Variants in SAE1 observed in about 807,000 individuals in gnomAD.
SAE1 encodes SUMO1 activating enzyme subunit 1, also known as SUMO-activating enzyme subunit 1.
A neutral mutation model predicts 40.6 loss-of-function variants in SAE1; 11 were observed. The ratio of observed to expected loss-of-function variants is 0.27; its 90% CI spans 0.17 to 0.45. The LOEUF is 0.45. Ranked by LOEUF, SAE1 falls within the 20% of genes least tolerant of loss-of-function variation. The pLI, the probability that SAE1 is intolerant of heterozygous loss-of-function variation, is 1.00. For missense variants in SAE1, 373 were observed against 427.3 expected (o/e 0.87, Z 1.12); for synonymous variants, 155 against 154.3 (o/e 1.00, Z -0.03).
chr19:47,193,841 GA>G (rs2058595446), intron 6 of SAE1, among the ~76,000 whole-genome samples: 1 of 141,172 alleles, frequency 7.1e-6, no homozygotes, highest in Admixed American at 6.9e-5. Context: ...AAAAAAAAAA[GA>G]AAGAAAAGAA....
intron 7 of SAE1, among the ~76,000 whole-genome samples, chr19:47,197,917 G>T (rs999413668): frequency 6.6e-6 from 1 of 152,144 alleles, no homozygotes; most frequent in Non-Finnish European, 1.5e-5. Flanking sequence ...TTATCATTTG[G>T]TCAGCATTGC....
intron 8 of SAE1, among the ~76,000 whole-genome samples, chr19:47,208,196 T>C (rs2123333265): frequency 6.6e-6 from 1 of 152,356 alleles, no homozygotes; most frequent in South Asian, 2.1e-4. Context: ...TTATTTCTGC[T>C]GTTTGCCCAA....
At chr19:47,139,328 C>T (rs1309359854) in intron 1 of SAE1, among the ~76,000 whole-genome samples, 2 of 152,108 alleles carry the variant, frequency 1.3e-5, no homozygotes, top group African/African-American at 4.8e-5. Flanking sequence ...AGGCGTGAGT[C>T]GCCGCGCCTG....
intron 6 of SAE1, among the ~76,000 whole-genome samples, chr19:47,178,045 A>G (rs2058481793): frequency 6.6e-6 from 1 of 152,114 alleles, no homozygotes; most frequent in African/African-American, 2.4e-5. Context: ...GATCGAGACC[A>G]TCCTGGCCAA....
intron 7 of SAE1, among the ~76,000 whole-genome samples, chr19:47,200,053 C>T (rs1295659356): frequency 6.6e-6 from 1 of 152,002 alleles, no homozygotes; most frequent in Non-Finnish European, 1.5e-5. Flanking sequence ...GCCTCAGCCT[C>T]CCCAGTAGCT....
At chr19:47,151,772 A>G (rs1002377422) in intron 3 of SAE1, among the ~76,000 whole-genome samples, 2 of 152,134 alleles carry the variant, frequency 1.3e-5, no homozygotes, top group African/African-American at 4.8e-5. Flanking sequence ...TAGTAACCAC[A>G]TTTATTTTAT....
chr19:47,154,509 T>TTTTTTTTTTG (rs1170158203), intron 4 of SAE1, among the ~76,000 whole-genome samples: 7 of 126,534 alleles, frequency 5.5e-5, no homozygotes, highest in African/African-American at 2.1e-4. Flanking sequence ...TTTTTTTTTT[T>TTTTTTTTTTG]TCTGAGACAG....
chr19:47,174,646 C>T (rs1250443252), intron 6 of SAE1, among the ~76,000 whole-genome samples: 1 of 148,108 alleles, frequency 6.8e-6, no homozygotes, highest in Non-Finnish European at 1.5e-5. Flanking sequence ...GATCTCAGCT[C>T]ACTGCAAGCT....
chr19:47,209,366 T>C lies in SAE1; in HGVS notation c.*115T>C, dbSNP rs746328006. The C allele has an allele frequency of 1.7e-5, 26 of 1,556,040 alleles. No individual in the cohort carries two copies. In the South Asian group the frequency reaches 2.9e-4, roughly 17 times the overall value. On this transcript the variant is annotated 3_prime_UTR_variant, in exon 9 of 9. Transcript: ENST00000270225. ...AGGAAAACTGAAGTCATTGGCCCGA[T>C]ACAAAACATTTCCTGCAACGAAGGA...
At chr19:47,132,465 C>G (rs1174344499) in intron 1 of SAE1, among the ~76,000 whole-genome samples, 2 of 150,638 alleles carry the variant, frequency 1.3e-5, no homozygotes, top group South Asian at 2.1e-4. Flanking sequence ...GCCATGTTGC[C>G]CAGACTGGTC....
rs754278164 is a variant in SAE1, at chr19:47,197,271, A to G, written c.772A>G (p.Ser258Gly). The G allele has an allele frequency of 2.5e-6, 4 of 1,613,958 alleles. No individual in the cohort carries two copies. The South Asian group carries it at 3.3e-5, about 13-fold the overall frequency. ...CCGTACAGATAAAGGAAGAGATCCC[A>G]GTTCTGATACATATGAGGAAGATTC... is the stretch of plus-strand genomic sequence containing the variant. Reference protein sequence around the residue: ...KFRTDKGRDPSSDTYEEDSEL... With the variant: ...KFRTDKGRDPGSDTYEEDSEL... The change falls in exon 7 of 9, where the codon AGT (serine) becomes GGT (glycine). Residue 258 changes from serine to glycine, a missense_variant. Around this residue, in one of 3 missense-constraint regions of SAE1, gnomAD observed 351 missense variants for 390.6 expected, o/e 0.90. Transcript: ENST00000270225.
At chr19:47,150,493 T>C in intron 3 of SAE1, 118 bp downstream of exon 3, 1 of 825,244 alleles carries the variant, frequency 1.2e-6, no homozygotes, top group Non-Finnish European at 1.9e-6. Context: ...CTGAGCTTTT[T>C]CCCAAGAAAA....
At chr19:47,158,714 T>C (rs1345839489) in intron 5 of SAE1, among the ~76,000 whole-genome samples, 4 of 152,176 alleles carry the variant, frequency 2.6e-5, no homozygotes, top group Non-Finnish European at 5.9e-5. Flanking sequence ...CAAGGCACTG[T>C]GTTGAGTGCA....
chr19:47,190,529 C>T (rs867967038), intron 6 of SAE1, among the ~76,000 whole-genome samples: 7 of 152,172 alleles, frequency 4.6e-5, no homozygotes, highest in Non-Finnish European at 1.0e-4. Flanking sequence ...TGAAAAAAGA[C>T]AGCTTCTGTT....
intron 7 of SAE1, among the ~76,000 whole-genome samples, chr19:47,200,764 CT>C (rs2058649188): frequency 6.6e-6 from 1 of 152,174 alleles, no homozygotes; most frequent in Non-Finnish European, 1.5e-5. Context: ...TATATATTAT[CT>C]GTGGCAGCTT....
At chr19:47,133,889 G>A (rs1310553561) in intron 1 of SAE1, among the ~76,000 whole-genome samples, 6 of 150,120 alleles carry the variant, frequency 4.0e-5, no homozygotes, top group Non-Finnish European at 8.9e-5. Context: ...TTGAGACGGA[G>A]TCTCACTCTG....
chr19:47,171,412 G>C (rs2058431930), intron 6 of SAE1, among the ~76,000 whole-genome samples: 1 of 152,034 alleles, frequency 6.6e-6, no homozygotes, highest in Admixed American at 6.6e-5. Flanking sequence ...TCCTGCCTCA[G>C]CCTCCCGAGT....
intron 5 of SAE1, among the ~76,000 whole-genome samples, chr19:47,167,532 G>A (rs148433112): frequency 2.0e-5 from 3 of 152,262 alleles, no homozygotes; most frequent in Non-Finnish European, 4.4e-5. Flanking sequence ...GAGCCACTGC[G>A]CCCAGCCAAC....
chr19:47,192,047 C>CT (rs1457655404), intron 6 of SAE1, among the ~76,000 whole-genome samples: 1 of 147,954 alleles, frequency 6.8e-6, no homozygotes, highest in East Asian at 2.0e-4. Flanking sequence ...GAGCGAGACT[C>CT]TGTCTCAAAA....
Sources: allele counts gnomAD v4.1 joint callset (sites outside exome capture counted in the v4.1 genomes callset), GRCh38; gene constraint gnomAD v4.1.1; regional missense constraint gnomAD v4.1.1; transcripts MANE v1.5; gene names NCBI Gene and HGNC (gene_info 2026-07-23, HGNC 2026-07-21).